Variants in DOCK4 observed in about 807,000 individuals in gnomAD.
The protein encoded by DOCK4 is dedicator of cytokinesis 4, also known as dedicator of cytokinesis protein 4.
In DOCK4, 97 loss-of-function variants were observed where a neutral mutation model predicts 268.1. The ratio of observed to expected loss-of-function variants is 0.36; its 90% confidence interval spans 0.31 to 0.43. The LOEUF (loss-of-function observed/expected upper bound fraction) is 0.43. DOCK4 is among the 20% of genes least tolerant of loss of function. The probability of loss-of-function intolerance (pLI) is 1.00; values close to 1 mark genes in which losing one functional copy is unlikely to be tolerated. For missense variants in DOCK4, 2,145 were observed against 2,455.7 expected (o/e 0.87, Z 2.67); for synonymous variants, 954 against 887.2 (o/e 1.08, Z -1.34).
intron 1 of DOCK4, among the ~76,000 whole-genome samples, chr7:112,202,479 C>T (rs552949774): frequency 6.6e-6 from 1 of 151,646 alleles, no homozygotes; most frequent in Non-Finnish European, 1.5e-5. Flanking sequence ...ATGTTTTTTA[C>T]ACCACAAAAA....
chr7:111,801,338 A>C (rs1800262468), intron 30 of DOCK4, among the ~76,000 whole-genome samples: 1 of 152,154 alleles, frequency 6.6e-6, no homozygotes, highest in African/African-American at 2.4e-5. Context: ...CTTTGTTTCA[A>C]GCCTCCCCAC....
intron 30 of DOCK4, among the ~76,000 whole-genome samples, chr7:111,801,267 C>G (rs1217869292): frequency 1.3e-5 from 2 of 152,204 alleles, no homozygotes; most frequent in Non-Finnish European, 2.9e-5. Context: ...CCATGCAAAT[C>G]AAACATCGCC....
At chr7:112,066,973 C>T (rs370147749) in intron 1 of DOCK4, among the ~76,000 whole-genome samples, 14 of 147,994 alleles carry the variant, frequency 9.5e-5, no homozygotes, top group African/African-American at 2.5e-4. Flanking sequence ...GGCAAAACCC[C>T]GTCTCCACAC....
chr7:111,971,743 GT>G, intron 8 of DOCK4: 1 of 309,356 alleles, frequency 3.2e-6, no homozygotes, highest in Non-Finnish European at 5.8e-6. Flanking sequence ...TAGCTGTTTG[GT>G]GGTCCAAGGC....
At chr7:111,767,595 T>C (rs985108312) in intron 37 of DOCK4, among the ~76,000 whole-genome samples, 1 of 152,198 alleles carries the variant, frequency 6.6e-6, no homozygotes, top group Non-Finnish European at 1.5e-5. Context: ...ATGTAAATTA[T>C]TAAAAATCCT....
chr7:111,869,867 T>A (rs2074135), intron 20 of DOCK4, among the ~76,000 whole-genome samples: 24,483 of 152,010 alleles, frequency 0.16, 2,089 homozygotes, highest in Admixed American at 0.18. Flanking sequence ...ACACTCAATC[T>A]GGACATATTC....
At chr7:112,063,254 C>G (rs918239243) in intron 1 of DOCK4, among the ~76,000 whole-genome samples, 1 of 152,198 alleles carries the variant, frequency 6.6e-6, no homozygotes, top group Non-Finnish European at 1.5e-5. Context: ...AATGCCATGT[C>G]GGTACTTGCT....
chr7:111,946,962 T>C (rs780222919), intron 8 of DOCK4, among the ~76,000 whole-genome samples: 4 of 152,182 alleles, frequency 2.6e-5, no homozygotes, highest in African/African-American at 4.8e-5. Context: ...CCACAAAAAA[T>C]TAATCTACCA....
chr7:112,146,568 CA>C lies in DOCK4; in HGVS notation c.37+59533del, dbSNP rs150685620. On this transcript the variant is annotated intron_variant, in intron 1 of 52. Transcript: ENST00000428084. Reference sequence around the variant, plus strand: ...GCAATGTGGCGAAACCTCATCTCTACAAAAACTATAAAAATTAGCTGGGTGT... The same window carrying C: ...GCAATGTGGCGAAACCTCATCTCTACAAAACTATAAAAATTAGCTGGGTGT... Among the ~76,000 whole-genome samples the C allele has an allele frequency of 2.1e-3, 313 of 152,172 alleles. 5 individuals carry two copies. In the East Asian group the frequency reaches 0.051, roughly 25 times the overall value.
intron 11 of DOCK4, among the ~76,000 whole-genome samples, chr7:111,936,588 C>G (rs943512518): frequency 3.3e-5 from 5 of 152,050 alleles, no homozygotes; most frequent in African/African-American, 1.2e-4. Context: ...GCATGTGGTT[C>G]TGTTATCCAT....
At chr7:111,913,947 T>C (rs1202225900) in intron 13 of DOCK4, among the ~76,000 whole-genome samples, 2 of 152,264 alleles carry the variant, frequency 1.3e-5, no homozygotes, top group African/African-American at 4.8e-5. Flanking sequence ...ATGTTGGCTA[T>C]GACTACACAG....
intron 1 of DOCK4, among the ~76,000 whole-genome samples, chr7:112,057,668 A>AGGACTACAGGCACATACCTGTAGTTG (rs1805956492): frequency 6.6e-6 from 1 of 152,080 alleles, no homozygotes; most frequent in South Asian, 2.1e-4. Flanking sequence ...CTAGTTACTC[A>AGGACTACAGGCACATACCTGTAGTTG]GGAAGCTGAG....
At chr7:112,064,195 G>A (rs563092924) in intron 1 of DOCK4, among the ~76,000 whole-genome samples, 7 of 152,284 alleles carry the variant, frequency 4.6e-5, no homozygotes, top group African/African-American at 1.4e-4. Context: ...TAGGGTTGGC[G>A]GCAGCAGCAG....
intron 8 of DOCK4, among the ~76,000 whole-genome samples, chr7:111,959,108 A>T (rs1202737480): frequency 6.6e-6 from 1 of 152,106 alleles, no homozygotes; most frequent in African/African-American, 2.4e-5. Flanking sequence ...GCCTTTCAAC[A>T]GGAGGCCCGA....
intron 1 of DOCK4, among the ~76,000 whole-genome samples, chr7:112,031,264 C>T (rs1030593843): frequency 3.9e-5 from 6 of 152,198 alleles, no homozygotes; most frequent in Non-Finnish European, 5.9e-5. Flanking sequence ...ACTGAGACAT[C>T]CTTCACATAG....
chr7:112,014,460 G>A (rs1801635563), intron 1 of DOCK4, among the ~76,000 whole-genome samples: 1 of 152,006 alleles, frequency 6.6e-6, no homozygotes, highest in Non-Finnish European at 1.5e-5. Context: ...TGGAAGATAG[G>A]GACCCAGCCC....
Position 112,003,979 on chromosome 7 carries a change from G to T in DOCK4, c.121+69C>A, listed in dbSNP as rs1026047229. On this transcript the variant is annotated intron_variant, in intron 2 of 52. Transcript: ENST00000428084. ...TGGAAAAGTTCCAGAGATTAATAGC[G>T]GTATGGACAGAATTTGTAGACTTTA... The T allele has an allele frequency of 4.1e-6, 5 of 1,204,954 alleles. No homozygotes were observed. In the African/African-American group the frequency reaches 4.6e-5, roughly 11 times the overall value. 74.6% of individuals were successfully genotyped at this position (1,204,954 alleles called of 1,614,324 possible).
intron 42 of DOCK4, among the ~76,000 whole-genome samples, chr7:111,749,911 T>C (rs1409201064): frequency 6.6e-6 from 1 of 152,204 alleles, no homozygotes; most frequent in African/African-American, 2.4e-5. Flanking sequence ...ATCCCATTGC[T>C]GAGCCATGAA....
intron 25 of DOCK4, among the ~76,000 whole-genome samples, chr7:111,841,241 T>C (rs1043457429): frequency 1.4e-4 from 21 of 151,964 alleles, no homozygotes; most frequent in African/African-American, 4.6e-4. Flanking sequence ...CTCGGCTCAC[T>C]GCAACCTCCA....
Sources: allele counts gnomAD v4.1 joint callset (sites outside exome capture counted in the v4.1 genomes callset), GRCh38; gene constraint gnomAD v4.1.1; transcripts MANE v1.5; gene names NCBI Gene and HGNC (gene_info 2026-07-23, HGNC 2026-07-21).